Variants in KIAA0319L observed in about 807,000 individuals in gnomAD.
KIAA0319L encodes the protein dyslexia-associated protein KIAA0319-like protein.
Under a neutral mutation model 120.1 loss-of-function variants are expected in KIAA0319L, and 55 were observed. That is an observed-to-expected ratio of 0.46 (90% confidence interval 0.37 to 0.57). The LOEUF (loss-of-function observed/expected upper bound fraction) is 0.57. Among genes scored for constraint, KIAA0319L ranks in the 20% least tolerant of loss-of-function variants. The pLI, the probability that KIAA0319L is intolerant of heterozygous loss-of-function variation, is 0.00. For synonymous variants in KIAA0319L, 398 were observed against 471.9 expected (o/e 0.84, Z 2.03); for missense variants, 1,049 against 1,255.3 (o/e 0.84, Z 2.48).
At chr1:35,442,107 G>A (rs1355768787) in intron 19 of KIAA0319L, 139 bp downstream of exon 19, 2 of 698,372 alleles carry the variant, frequency 2.9e-6, no homozygotes, top group Non-Finnish European at 5.2e-6. Context: ...GCCCGTGCAT[G>A]CCTTAGGTGG....
At position 35,507,557 on chromosome 1, in the gene KIAA0319L, A is replaced by G. The variant is rs1570880245; in HGVS notation, c.143-422T>C. Among the ~76,000 whole-genome samples the G allele has an allele frequency of 2.0e-5, 3 of 152,136 alleles. No individual in the cohort carries two copies. In the East Asian group the frequency reaches 5.8e-4, roughly 29 times the overall value. ...ACCTCCAAGGTATTTCTCAGGGACA[A>G]TGTGAGAACTGTGGGACCAGAAGAA... On this transcript the variant is annotated intron_variant, in intron 2 of 20. Transcript: ENST00000325722.
intron 6 of KIAA0319L, among the ~76,000 whole-genome samples, chr1:35,468,982 A>G (rs1643448912): frequency 6.6e-6 from 1 of 152,182 alleles, no homozygotes; most frequent in African/African-American, 2.4e-5. Flanking sequence ...TAAGTGTACA[A>G]AATAATCGGC....
intron 3 of KIAA0319L, among the ~76,000 whole-genome samples, chr1:35,499,249 A>G (rs550811463): frequency 2.6e-4 from 40 of 152,016 alleles, no homozygotes; most frequent in African/African-American, 8.0e-4. Flanking sequence ...TGTTCTCCCA[A>G]AATTCGTATG....
rs752161698 is a variant in KIAA0319L at position 35,456,114 on chromosome 1, A to G, written c.1555T>C (p.Ser519Pro). The change falls in exon 10 of 21, where the codon TCC (serine) becomes CCC (proline). Residue 519 changes from serine to proline, a missense_variant. Ser to Pro is a moderately conservative substitution (Grantham distance 74). Transcript: ENST00000325722. ...PNQVITLPQN[S>P]ITLFGNQSTD... ...CTCTGGTTCCCAAAGAGGGTGATGG[A>G]GTTTTGGGGCAGGGTGATCACTTGG... 1 of 1,613,806 alleles carries G rather than the reference A, an allele frequency of 6.2e-7. No individual in the cohort carries two copies. The highest frequency in any genetic ancestry group is 1.1e-5 in the South Asian group (1 of 91,062).
intron 2 of KIAA0319L, 38 bp downstream of exon 2, chr1:35,554,312 T>TA (rs745403032): frequency 0.012 from 13,459 of 1,118,128 alleles, no homozygotes; most frequent in South Asian, 0.022. Context: ...TGCCCTTTTC[T>TA]AAAAAAAAAA....
chr1:35,543,495 T>A (rs967046317), intron 2 of KIAA0319L, among the ~76,000 whole-genome samples: 1 of 152,152 alleles, frequency 6.6e-6, no homozygotes, highest in Admixed American at 6.5e-5. Context: ...TAATGCCACC[T>A]AAAAAGTCTC....
At position 35,479,117 on chromosome 1, in the gene KIAA0319L, T is replaced by A; in HGVS notation, c.762A>T (p.Ile254=). ...TGGGCGTAGTAGCAAGACCCTCTGA[T>A]ATTTCAGGTTGCACTGATACATTCT... ...GPKNVSVQPE[I]SEGLATTPST... The change falls in exon 4 of 21, where the codon ATA becomes ATT. Residue 254 remains isoleucine, a synonymous_variant. Transcript: ENST00000325722. 6.2e-7 allele frequency: 1 copy of A among 1,614,170 alleles called. No individual in the cohort carries two copies. Among genetic ancestry groups the A allele is most frequent in the Non-Finnish European group, 8.5e-7 (1 of 1,180,032 alleles).
chr1:35,506,335 G>A lies in KIAA0319L; in HGVS notation c.666+277C>T, dbSNP rs892471602. Among the ~76,000 whole-genome samples the A allele has an allele frequency of 6.6e-6, 1 of 152,188 alleles. No homozygotes were observed. The highest frequency in any genetic ancestry group is 1.5e-5 in the Non-Finnish European group (1 of 68,038). On this transcript the variant is annotated intron_variant, in intron 3 of 20. Coordinates refer to ENST00000325722, the MANE Select transcript of KIAA0319L (RefSeq NM_024874.5). The surrounding 1 kb of genome is among the most constrained non-coding windows in gnomAD (Gnocchi z 4.0). ...GGTGAATACTAACAGCCATACAACTGTACTTACCTGTAGCCAAGAACCAGC... is the reference window on the plus strand; with the variant it reads ...GGTGAATACTAACAGCCATACAACTATACTTACCTGTAGCCAAGAACCAGC...
At chr1:35,475,862 T>G (rs937109619) in intron 4 of KIAA0319L, among the ~76,000 whole-genome samples, 1 of 152,196 alleles carries the variant, frequency 6.6e-6, no homozygotes, top group South Asian at 2.1e-4. Context: ...ATCCTTCCTA[T>G]CTAATTTTGC....
rs1469358147 is a variant in KIAA0319L, at chr1:35,443,157, C to A, written c.2657-129G>T. ...TGTGGTGAAATGTCCTCGAGACCCACCTTGGGCATGGTGCCTGCCTTTCTC... is the reference window on the plus strand; with the variant it reads ...TGTGGTGAAATGTCCTCGAGACCCAACTTGGGCATGGTGCCTGCCTTTCTC... On this transcript the variant is annotated intron_variant, in intron 17 of 20. Coordinates refer to ENST00000325722, the MANE Select transcript of KIAA0319L (RefSeq NM_024874.5). The A allele has an allele frequency of 3.6e-6, 4 of 1,104,076 alleles. No individual in the cohort carries two copies. In the African/African-American group the frequency reaches 4.7e-5, roughly 13 times the overall value. 68.4% of individuals were successfully genotyped at this position (1,104,076 alleles called of 1,614,324 possible).
chr1:35,513,627 A>T (rs1421265636), intron 2 of KIAA0319L, among the ~76,000 whole-genome samples: 1 of 152,196 alleles, frequency 6.6e-6, no homozygotes, highest in East Asian at 1.9e-4. Flanking sequence ...AAAATAAAAC[A>T]AAACAAAAAT....
intron 4 of KIAA0319L, among the ~76,000 whole-genome samples, chr1:35,477,399 G>A (rs1355284996): frequency 6.6e-6 from 1 of 152,166 alleles, no homozygotes; most frequent in Non-Finnish European, 1.5e-5. Flanking sequence ...CGGGCGCGGT[G>A]GCTCACGCCT....
At chr1:35,527,881 G>A (rs1032737457) in intron 2 of KIAA0319L, among the ~76,000 whole-genome samples, 3 of 142,918 alleles carry the variant, frequency 2.1e-5, no homozygotes, top group African/African-American at 8.1e-5. Context: ...GTTTATTTCT[G>A]CTCTGATCTT....
At chr1:35,467,390 C>G (rs996645912) in intron 6 of KIAA0319L, among the ~76,000 whole-genome samples, 2 of 151,996 alleles carry the variant, frequency 1.3e-5, no homozygotes, top group African/African-American at 4.8e-5. Context: ...CAGCATATCA[C>G]TATCATAACA....
intron 3 of KIAA0319L, among the ~76,000 whole-genome samples, chr1:35,480,294 CTAAG>C (rs1232000179): frequency 2.0e-5 from 3 of 152,086 alleles, no homozygotes; most frequent in African/African-American, 7.2e-5. Context: ...TTTTAAGAAA[CTAAG>C]TAATGGTAAG....
At position 35,453,861 on chromosome 1, in the gene KIAA0319L, G is replaced by A. The variant is rs1013522477; in HGVS notation, c.1781-172C>T. Among the ~76,000 whole-genome samples the A allele has an allele frequency of 1.3e-5, 2 of 152,170 alleles. No homozygotes were observed. Among genetic ancestry groups the A allele is most frequent in the African/African-American group, 4.8e-5 (2 of 41,436 alleles). On this transcript the variant is annotated intron_variant, in intron 11 of 20. Coordinates refer to ENST00000325722, the MANE Select transcript of KIAA0319L (RefSeq NM_024874.5). The surrounding 1 kb of genome is among the most constrained non-coding windows in gnomAD (Gnocchi z 4.1). Reference sequence around the variant, plus strand: ...GGGAGCACACAATAAAGAATATAAGGCTGAAACATATCAAGCAATTCTGAC... The same window carrying A: ...GGGAGCACACAATAAAGAATATAAGACTGAAACATATCAAGCAATTCTGAC...
At chr1:35,450,294 C>A (rs1641958695) in intron 14 of KIAA0319L, 64 bp downstream of exon 14, 3 of 1,511,634 alleles carry the variant, frequency 2.0e-6, no homozygotes, top group Non-Finnish European at 2.7e-6. Context: ...AAAGCATATA[C>A]TGGAACGCGT....
chr1:35,474,997 C>A, intron 4 of KIAA0319L, 91 bp from the exon 5 acceptor site: 2 of 730,586 alleles, frequency 2.7e-6, no homozygotes, highest in South Asian at 1.7e-5. Context: ...CTTTCATGAT[C>A]AATATTCAGC....
chr1:35,531,836 T>A (rs1015771694), intron 2 of KIAA0319L, among the ~76,000 whole-genome samples: 1 of 152,132 alleles, frequency 6.6e-6, no homozygotes, highest in Non-Finnish European at 1.5e-5. Flanking sequence ...CCTTATATCT[T>A]CGACAATGAC....
Sources: allele counts gnomAD v4.1 joint callset (sites outside exome capture counted in the v4.1 genomes callset), GRCh38; gene constraint gnomAD v4.1.1; non-coding constraint Gnocchi (gnomAD v3.1); transcripts MANE v1.5; gene names NCBI Gene and HGNC (gene_info 2026-07-23, HGNC 2026-07-21).